UBE4B: variants seen among roughly 807,000 people sequenced by gnomAD.
The protein encoded by UBE4B is ubiquitination factor E4B.
Under a neutral mutation model 148.1 loss-of-function variants are expected in UBE4B, and 27 were observed. That is an observed-to-expected ratio of 0.18 (90% CI 0.13 to 0.25). The LOEUF is 0.25. Among genes scored for constraint, UBE4B ranks in the 10% least tolerant of loss-of-function variants. The probability of loss-of-function intolerance (pLI) is 1.00; values close to 1 mark genes in which losing one functional copy is unlikely to be tolerated. For synonymous variants in UBE4B, 596 were observed against 619.3 expected (o/e 0.96, Z 0.56); for missense variants, 1,170 against 1,662.4 (o/e 0.70, Z 5.15).
intron 17 of UBE4B, among the ~76,000 whole-genome samples, chr1:10,137,917 A>T: frequency 7.7e-6 from 1 of 130,532 alleles, no homozygotes; most frequent in Non-Finnish European, 1.6e-5. Flanking sequence ...ATCACTTACT[A>T]ATTCTTTTTT....
intron 3 of UBE4B, among the ~76,000 whole-genome samples, chr1:10,095,834 C>T (rs981127195): frequency 5.9e-5 from 9 of 152,154 alleles, no homozygotes; most frequent in African/African-American, 1.7e-4. Context: ...TGCAGTGGTG[C>T]GATCATGGCT....
At chr1:10,121,201 C>G (rs963192076) in intron 9 of UBE4B, among the ~76,000 whole-genome samples, 1 of 151,556 alleles carries the variant, frequency 6.6e-6, no homozygotes, top group South Asian at 2.1e-4. Flanking sequence ...ACTAAAAATA[C>G]AAAAATTAGC....
intron 16 of UBE4B, among the ~76,000 whole-genome samples, chr1:10,136,482 TAAAA>T (rs35569014): frequency 3.2e-5 from 4 of 123,904 alleles, no homozygotes; most frequent in Non-Finnish European, 7.0e-5. Context: ...AAGACCCTCT[TAAAA>T]AAAAAAAAAA....
chr1:10,045,004 A>G (rs1331342538), intron 1 of UBE4B, among the ~76,000 whole-genome samples: 1 of 152,160 alleles, frequency 6.6e-6, no homozygotes, highest in Admixed American at 6.6e-5. Flanking sequence ...CGGTCCATCT[A>G]GGGGTGATGG....
rs1646284562 is a variant in UBE4B, at chr1:10,168,220, G to A, written c.3283G>A (p.Asp1095Asn). The A allele has an allele frequency of 6.2e-7, 1 of 1,614,152 alleles. No individual in the cohort carries two copies. The highest frequency in any genetic ancestry group is 2.2e-5 in the East Asian group (1 of 44,886). Residue 1095 changes from aspartate to asparagine, a missense_variant, in exon 24 of 28, where the codon GAC becomes AAC. Asp to Asn is a conservative substitution (Grantham distance 23). This residue lies in a region of UBE4B where 348 missense variants were observed against 627.2 expected (regional missense o/e 0.55). Coordinates refer to ENST00000343090, the MANE Select transcript of UBE4B (RefSeq NM_001105562.3). This position sits in a 1 kb window ranked among gnomAD's most constrained non-coding sequence, Gnocchi z 4.9. ...CCTCGCCCTGGCCACCGAAACCGTGGACATGTTCCACATCCTCACGAAGCA... is the reference window on the plus strand; with the variant it reads ...CCTCGCCCTGGCCACCGAAACCGTGAACATGTTCCACATCCTCACGAAGCA... ...SYLALATETVDMFHILTKQVQ... is the reference protein window; with the variant it reads ...SYLALATETVNMFHILTKQVQ...
intron 2 of UBE4B, among the ~76,000 whole-genome samples, chr1:10,094,871 A>G (rs557054616): frequency 4.6e-5 from 7 of 152,094 alleles, no homozygotes; most frequent in African/African-American, 1.7e-4. Context: ...GCTCACTGCA[A>G]CGTCTTCCTC....
chr1:10,153,926 T>C (rs1646022436), intron 21 of UBE4B, among the ~76,000 whole-genome samples: 1 of 151,964 alleles, frequency 6.6e-6, no homozygotes, highest in Non-Finnish European at 1.5e-5. Flanking sequence ...CTACTAAAAA[T>C]ACAAAATTAG....
chr1:10,072,387 T>A, intron 2 of UBE4B, 173 bp downstream of exon 2: 1 of 801,822 alleles, frequency 1.2e-6, no homozygotes, highest in Non-Finnish European at 2.0e-6. Context: ...CGCTTTTTTT[T>A]TTATTGCAAT....
At chr1:10,147,676 A>G (rs993366107) in intron 19 of UBE4B, among the ~76,000 whole-genome samples, 1 of 152,198 alleles carries the variant, frequency 6.6e-6, no homozygotes, top group Non-Finnish European at 1.5e-5. Flanking sequence ...TGATAGAAAG[A>G]GAAATCTATA....
chr1:10,170,144 C>T (rs990987044), intron 24 of UBE4B, among the ~76,000 whole-genome samples: 49 of 152,194 alleles, frequency 3.2e-4, no homozygotes, highest in African/African-American at 1.2e-3. Context: ...ACACTATTTA[C>T]TATCTGGCCT....
intron 21 of UBE4B, among the ~76,000 whole-genome samples, chr1:10,157,585 C>T (rs1033076458): frequency 6.6e-6 from 1 of 152,052 alleles, no homozygotes. Flanking sequence ...CGAGACAATC[C>T]TGGCCAATAT....
At chr1:10,099,715 G>A (rs1644979243) in intron 3 of UBE4B, among the ~76,000 whole-genome samples, 1 of 152,182 alleles carries the variant, frequency 6.6e-6, no homozygotes, top group Admixed American at 6.5e-5. Context: ...CAGATATCAA[G>A]ATTTGTGAAG....
chr1:10,158,934 C>A (rs1255874136), intron 22 of UBE4B, among the ~76,000 whole-genome samples: 1 of 149,608 alleles, frequency 6.7e-6, no homozygotes, highest in South Asian at 2.1e-4. Flanking sequence ...CACTTGAACC[C>A]GGGAGGCAGA....
At chr1:10,179,139 G>A (rs6682295) in intron 26 of UBE4B, 25,791 of 483,530 alleles carry the variant, frequency 0.053, 1,691 homozygotes, top group African/African-American at 0.23. Context: ...TGCCGTCCTC[G>A]CCACGGAGCC....
At chr1:10,179,197 T>C (rs1646470406) in intron 26 of UBE4B, 1 of 570,458 alleles carries the variant, frequency 1.8e-6, no homozygotes, top group Non-Finnish European at 3.0e-6. Flanking sequence ...CTCTGTTCCC[T>C]CCCCCCAGCA....
chr1:10,034,336 G>C (rs1643416554), intron 1 of UBE4B, among the ~76,000 whole-genome samples: 2 of 152,092 alleles, frequency 1.3e-5, no homozygotes, highest in South Asian at 4.1e-4. Context: ...TTTCAAACTT[G>C]TGTTTTGCTG....
At chr1:10,042,424 G>A (rs1469724465) in intron 1 of UBE4B, among the ~76,000 whole-genome samples, 2 of 152,022 alleles carry the variant, frequency 1.3e-5, no homozygotes, top group African/African-American at 2.4e-5. Flanking sequence ...TGAGGCGGGT[G>A]GATCACGAGG....
intron 22 of UBE4B, among the ~76,000 whole-genome samples, chr1:10,160,177 C>T (rs1646138768): frequency 2.0e-5 from 3 of 152,296 alleles, no homozygotes; most frequent in South Asian, 2.1e-4. Flanking sequence ...CATTATAACA[C>T]GATCTGCAGA....
chr1:10,097,052 A>AAAAAAAAAAAAAAATAAT (rs554089049), intron 3 of UBE4B, among the ~76,000 whole-genome samples: 2 of 138,516 alleles, frequency 1.4e-5, no homozygotes, highest in Non-Finnish European at 3.1e-5. Context: ...AAAAAAAAAA[A>AAAAAAAAAAAAAAATAAT]AATAATAATA....
Sources: allele counts gnomAD v4.1 joint callset (sites outside exome capture counted in the v4.1 genomes callset), GRCh38; gene constraint gnomAD v4.1.1; regional missense constraint gnomAD v4.1.1; non-coding constraint Gnocchi (gnomAD v3.1); transcripts MANE v1.5; gene names NCBI Gene and HGNC (gene_info 2026-07-23, HGNC 2026-07-21).